The following RIPOR3 variants were observed in gnomAD, a reference collection of about 807,000 sequenced individuals.
RIPOR3 encodes family with sequence similarity 65 member C.
Under a neutral mutation model 114.3 loss-of-function variants are expected in RIPOR3, and 95 were observed. The ratio of observed to expected loss-of-function variants is 0.83; its 90% CI spans 0.70 to 0.99. The LOEUF (loss-of-function observed/expected upper bound fraction) is 0.99. Among genes scored for constraint, RIPOR3 ranks in the 50% least tolerant of loss-of-function variants. The probability of loss-of-function intolerance (pLI) is 0.00; values close to 1 mark genes in which losing one functional copy is unlikely to be tolerated. For missense variants in RIPOR3, 1,252 were observed against 1,266.9 expected (o/e 0.99, Z 0.18); for synonymous variants, 575 against 543.8 (o/e 1.06, Z -0.80).
At chr20:50,680,040 C>A (rs1040030426) in intron 1 of RIPOR3, among the ~76,000 whole-genome samples, 1 of 152,210 alleles carries the variant, frequency 6.6e-6, no homozygotes, top group East Asian at 1.9e-4. Flanking sequence ...CTCCTCCCAG[C>A]ATCTCTGTTT....
chr20:50,618,233 C>T (rs1424114927), intron 3 of RIPOR3, among the ~76,000 whole-genome samples: 2 of 137,558 alleles, frequency 1.5e-5, no homozygotes, highest in African/African-American at 5.6e-5. Flanking sequence ...ATCACACCAC[C>T]GCACTCCAGC....
chr20:50,685,879 A>G (rs2087003702), intron 1 of RIPOR3, among the ~76,000 whole-genome samples: 1 of 151,716 alleles, frequency 6.6e-6, no homozygotes, highest in Non-Finnish European at 1.5e-5. Flanking sequence ...ATTAAAATGA[A>G]TGTTTTAGGT....
intron 2 of RIPOR3, among the ~76,000 whole-genome samples, chr20:50,626,081 T>C (rs931230756): frequency 3.9e-5 from 6 of 152,218 alleles, no homozygotes; most frequent in Non-Finnish European, 8.8e-5. Context: ...ACAGTGCGGC[T>C]GCGCTTCGGC....
At chr20:50,610,007 G>A (rs1345491278) in intron 6 of RIPOR3, among the ~76,000 whole-genome samples, 3 of 112,868 alleles carry the variant, frequency 2.7e-5, no homozygotes, top group Non-Finnish European at 3.8e-5. Context: ...TGCCACCCCT[G>A]CCTCACCTGC....
At chr20:50,665,120 A>G (rs2086138562) in intron 1 of RIPOR3, among the ~76,000 whole-genome samples, 1 of 151,564 alleles carries the variant, frequency 6.6e-6, no homozygotes, top group African/African-American at 2.4e-5. Context: ...AACCCAAAAA[A>G]CAAAACAAAA....
intron 15 of RIPOR3, 108 bp from the exon 16 acceptor site, chr20:50,595,612 G>A (rs2083261607): frequency 6.9e-7 from 1 of 1,446,784 alleles, no homozygotes; most frequent in Non-Finnish European, 9.4e-7. Context: ...TGTCCCGGGG[G>A]CAGCTCCCTG....
chr20:50,636,721 T>C, intron 1 of RIPOR3: 1 of 985,534 alleles, frequency 1.0e-6, no homozygotes, highest in Non-Finnish European at 1.2e-6. Flanking sequence ...CACTGGGGAC[T>C]GTCCTGGGCC....
chr20:50,688,987 T>C (rs1051906588), intron 1 of RIPOR3, among the ~76,000 whole-genome samples: 1 of 152,042 alleles, frequency 6.6e-6, no homozygotes, highest in Admixed American at 6.6e-5. Context: ...CATGATACGC[T>C]TTCAACAACC....
rs534869859 is a variant in RIPOR3, at chr20:50,603,833, A to T, written c.1086+812T>A. ...ATGTTCATTAACTCAGTTAACTCTC[A>T]CAGTAATCCCATAAGGGCAGTGCTG... On this transcript the variant is annotated intron_variant, in intron 12 of 21. Transcript: ENST00000327979. 2.0e-5 allele frequency among the ~76,000 whole-genome samples: 3 copies of T among 152,268 alleles called. No homozygotes were observed. In the South Asian group the frequency reaches 6.2e-4, roughly 32 times the overall value.
intron 20 of RIPOR3, among the ~76,000 whole-genome samples, chr20:50,589,010 A>G (rs1442754135): frequency 6.8e-6 from 1 of 146,340 alleles, no homozygotes; most frequent in African/African-American, 2.5e-5. Flanking sequence ...TGAACCCAGA[A>G]GGCAGAGCTT....
At chr20:50,671,388 CCT>C (rs143144187) in intron 1 of RIPOR3, among the ~76,000 whole-genome samples, 1 of 151,556 alleles carries the variant, frequency 6.6e-6, no homozygotes, top group South Asian at 2.1e-4. Context: ...TTTCTCTCTC[CCT>C]CTCTCTCACA....
At chr20:50,610,730 C>T (rs2083945832) in intron 6 of RIPOR3, 123 bp downstream of exon 6, 3 of 1,302,196 alleles carry the variant, frequency 2.3e-6, no homozygotes, top group Non-Finnish European at 3.3e-6. Context: ...CCTGCAGCTG[C>T]CCCATACCCA....
chr20:50,592,234 G>T, intron 19 of RIPOR3, 110 bp downstream of exon 19: 2 of 1,139,632 alleles, frequency 1.8e-6, no homozygotes, highest in Non-Finnish European at 2.4e-6. Flanking sequence ...ATAGCTCACA[G>T]CTACTGCAGC....
rs371089293 is a variant in RIPOR3, at chr20:50,608,594, C to T, written c.810+19G>A. On this transcript the variant is annotated intron_variant, in intron 10 of 21. Coordinates refer to ENST00000327979, the MANE Select transcript of RIPOR3 (RefSeq NM_001290268.2). ...GAACACCCAGGCACCCCAGCCCTGC[C>T]CCCGGGCCCCATCCCCACCTTGATG... is the stretch of plus-strand genomic sequence containing the variant. 2 of 1,613,728 alleles carry T rather than the reference C, an allele frequency of 1.2e-6. No homozygotes were observed. The highest frequency in any genetic ancestry group is 2.7e-5 in the African/African-American group (2 of 74,924).
rs2083552668 is a variant in RIPOR3, at chr20:50,602,761, G to C, written c.1087-117C>G. ...GCATGCCCATGTTCTCAGGATGACT[G>C]AGGCCTGCCGAGGTGACCAGCATCC... On this transcript the variant is annotated intron_variant, in intron 12 of 21. Transcript: ENST00000327979. The surrounding 1 kb of genome is among the most constrained non-coding windows in gnomAD (Gnocchi z 4.3). 1 of 681,504 alleles carries C rather than the reference G, an allele frequency of 1.5e-6. No homozygotes were observed. The highest frequency in any genetic ancestry group is 3.9e-5 in the Admixed American group (1 of 25,344). 42.2% of individuals were successfully genotyped at this position (681,504 alleles called of 1,614,324 possible). A position where few individuals can be genotyped will look rare whatever the true frequency, so the allele number is the denominator to read the frequency against.
chr20:50,604,077 G>T (rs912327888), intron 12 of RIPOR3, among the ~76,000 whole-genome samples: 1 of 152,036 alleles, frequency 6.6e-6, no homozygotes, highest in African/African-American at 2.4e-5. Flanking sequence ...AGCTACTCGG[G>T]AGGCTGAGGC....
chr20:50,678,135 G>T (rs2086736183), intron 1 of RIPOR3, among the ~76,000 whole-genome samples: 1 of 152,154 alleles, frequency 6.6e-6, no homozygotes, highest in Non-Finnish European at 1.5e-5. Flanking sequence ...CAGCCACCAT[G>T]GGTGCTAAAC....
intron 18 of RIPOR3, 125 bp from the exon 19 acceptor site, chr20:50,592,671 C>T (rs758070475): frequency 6.8e-6 from 6 of 887,482 alleles, no homozygotes; most frequent in Non-Finnish European, 9.6e-6. Flanking sequence ...GGGATGATCA[C>T]CAAGGCCCAG....
At chr20:50,613,560 G>A (rs1228309375) in intron 4 of RIPOR3, among the ~76,000 whole-genome samples, 1 of 152,210 alleles carries the variant, frequency 6.6e-6, no homozygotes, top group African/African-American at 2.4e-5. Flanking sequence ...CCAACATCTT[G>A]TTTCAATGAG....
Sources: gnomAD v4.1 joint callset for allele counts (sites outside exome capture counted in the v4.1 genomes callset) on GRCh38, gnomAD v4.1.1 for gene constraint, Gnocchi (gnomAD v3.1) non-coding constraint, MANE v1.5 for transcripts, NCBI Gene and HGNC (gene_info 2026-07-23, HGNC 2026-07-21) for gene names.